The following VPS13A variants were observed in gnomAD, a reference collection of about 807,000 sequenced individuals.
The protein encoded by VPS13A is intermembrane lipid transfer protein VPS13A.
In VPS13A, 264 loss-of-function variants were observed where a neutral mutation model predicts 390.9. The ratio of observed to expected loss-of-function variants is 0.68; its 90% CI spans 0.61 to 0.75. VPS13A has a LOEUF of 0.75. VPS13A is among the 30% of genes least tolerant of loss of function. The probability of loss-of-function intolerance (pLI) is 0.00; values close to 1 mark genes in which losing one functional copy is unlikely to be tolerated. For missense variants in VPS13A, 3,409 were observed against 3,733.9 expected, an observed-to-expected ratio of 0.91 and a Z score of 2.27; for synonymous variants, 1,231 against 1,227.1, an observed-to-expected ratio of 1.00 and a Z score of -0.07.
rs1304634097 is a variant in VPS13A at position 77,421,196 on chromosome 9, TA to T, written c.*5195del. ...ATACGGTCATTGATTATGATAATTT[TA>T]AAAATATCTATTTCTGCATCGCTGC... On this transcript the variant is annotated 3_prime_UTR_variant, in exon 72 of 72. Coordinates refer to ENST00000360280, the MANE Select transcript of VPS13A (RefSeq NM_033305.3). 6.6e-6 allele frequency: 1 copy of T among 152,212 alleles called. No homozygotes were observed. The highest frequency in any genetic ancestry group is 1.9e-4 in the East Asian group (1 of 5,192). The allele number at this position is 152,212 out of a possible 1,614,324, so 9.4% of individuals were successfully genotyped here.
At chr9:77,291,234 C>T (rs532092352) in intron 31 of VPS13A, among the ~76,000 whole-genome samples, 2 of 122,654 alleles carry the variant, frequency 1.6e-5, no homozygotes, top group Non-Finnish European at 3.7e-5. Flanking sequence ...TTGCATGCTC[C>T]TTGTGAGAAT....
intron 46 of VPS13A, among the ~76,000 whole-genome samples, chr9:77,332,523 A>G (rs569271126): frequency 6.6e-6 from 1 of 151,634 alleles, no homozygotes; most frequent in Non-Finnish European, 1.5e-5. Flanking sequence ...TTTTCTTTTC[A>G]TATTTGTTCA....
At chr9:77,366,416 C>T (rs17063567) in intron 60 of VPS13A, among the ~76,000 whole-genome samples, 2 of 151,934 alleles carry the variant, frequency 1.3e-5, no homozygotes, top group African/African-American at 2.4e-5. Context: ...GAGTCATTTT[C>T]AACAGCTTCA....
chr9:77,368,719 G>A (rs1832580230), intron 62 of VPS13A, among the ~76,000 whole-genome samples: 1 of 152,182 alleles, frequency 6.6e-6, no homozygotes, highest in Non-Finnish European at 1.5e-5. Flanking sequence ...TGGTGGTAAT[G>A]ACAGTGGTCA....
rs1282888251 is a variant in VPS13A at position 77,381,852 on chromosome 9, A to C, written c.9078-124A>C. On this transcript the variant is annotated intron_variant, in intron 67 of 71. Coordinates refer to ENST00000360280, the MANE Select transcript of VPS13A (RefSeq NM_033305.3). ...ACTGTTTATGTTACAAAAACAATTT[A>C]AAATTAGAGAATGTTGTAATATTTT... 5 of 675,442 alleles carry C rather than the reference A, an allele frequency of 7.4e-6. No individual in the cohort carries two copies. The East Asian group carries it at 1.4e-4, about 19-fold the overall frequency. The allele number at this position is 675,442 out of a possible 1,614,324, so 41.8% of individuals were successfully genotyped here.
chr9:77,223,776 G>GA (rs1202664829), intron 13 of VPS13A, among the ~76,000 whole-genome samples: 1 of 152,170 alleles, frequency 6.6e-6, no homozygotes, highest in African/African-American at 2.4e-5. Flanking sequence ...AAGTGATCCT[G>GA]AAGATCTAGC....
At position 77,391,635 on chromosome 9, in the gene VPS13A, T is replaced by C. The variant is rs192614250; in HGVS notation, c.9189+9548T>C. ...CCTACGGAAGCACTATAAAGAAATA[T>C]AGATTTAGACATTTCTGTGGTACTT... is the stretch of plus-strand genomic sequence containing the variant. On this transcript the variant is annotated intron_variant, in intron 68 of 71. Transcript: ENST00000360280. 5.9e-4 allele frequency among the ~76,000 whole-genome samples: 90 copies of C among 152,270 alleles called. 1 individual carries two copies. In the East Asian group the frequency reaches 0.015, roughly 26 times the overall value.
At chr9:77,304,697 A>G (rs1041273551) in intron 34 of VPS13A, among the ~76,000 whole-genome samples, 5 of 152,292 alleles carry the variant, frequency 3.3e-5, no homozygotes, top group African/African-American at 1.2e-4. Flanking sequence ...ATTGGTTGAC[A>G]TTGCTTCAAA....
chr9:77,387,748 A>G (rs925140966), intron 68 of VPS13A, among the ~76,000 whole-genome samples: 1 of 152,364 alleles, frequency 6.6e-6, no homozygotes, highest in East Asian at 1.9e-4. Flanking sequence ...TCAGTATTTT[A>G]TAAATTTGTT....
At chr9:77,228,458 T>C (rs1823646245) in intron 17 of VPS13A, among the ~76,000 whole-genome samples, 194 bp downstream of exon 17, 1 of 152,036 alleles carries the variant, frequency 6.6e-6, no homozygotes, top group Non-Finnish European at 1.5e-5. Flanking sequence ...CAGTGAAACA[T>C]AGGGCATTAA....
intron 22 of VPS13A, among the ~76,000 whole-genome samples, chr9:77,259,455 C>T (rs1055995375): frequency 4.6e-5 from 7 of 152,004 alleles, no homozygotes; most frequent in African/African-American, 7.2e-5. Flanking sequence ...AGAAAGATAA[C>T]GTAAGTAATC....
intron 47 of VPS13A, chr9:77,339,215 T>C (rs1363316092): frequency 3.1e-6 from 1 of 323,812 alleles, no homozygotes; most frequent in African/African-American, 2.2e-5. Flanking sequence ...CCAATTATAG[T>C]GTTTTATGTT....
At chr9:77,252,385 T>C in intron 22 of VPS13A, 33 bp downstream of exon 22, 1 of 1,538,098 alleles carries the variant, frequency 6.5e-7, no homozygotes, top group Non-Finnish European at 9.0e-7. Context: ...GAATATGGAT[T>C]TTCTGGGTAA....
intron 46 of VPS13A, among the ~76,000 whole-genome samples, chr9:77,332,598 GTAAT>G (rs1026807429): frequency 2.6e-5 from 4 of 151,630 alleles, no homozygotes; most frequent in African/African-American, 9.7e-5. Context: ...AATTTTTAAA[GTAAT>G]TAAATTTGAT....
chr9:77,248,497 C>T (rs377317388), intron 20 of VPS13A, among the ~76,000 whole-genome samples: 11 of 152,174 alleles, frequency 7.2e-5, no homozygotes, highest in African/African-American at 2.6e-4. Flanking sequence ...GGATTACAGG[C>T]GTGAGCCACC....
intron 3 of VPS13A, among the ~76,000 whole-genome samples, chr9:77,203,911 C>T (rs1036929102): frequency 5.3e-5 from 8 of 151,862 alleles, no homozygotes; most frequent in Admixed American, 1.3e-4. Context: ...GTTTAGAGGC[C>T]GGGCAGGGTA....
intron 17 of VPS13A, among the ~76,000 whole-genome samples, chr9:77,234,877 T>G (rs967661251): frequency 3.4e-4 from 51 of 152,182 alleles, no homozygotes; most frequent in Admixed American, 2.0e-4. Context: ...ACAGTCCAAA[T>G]TTAAGACAGT....
chr9:77,341,442 T>C (rs531058898), intron 50 of VPS13A, among the ~76,000 whole-genome samples: 1 of 152,332 alleles, frequency 6.6e-6, no homozygotes, highest in South Asian at 2.1e-4. Context: ...GGTTTACTTT[T>C]TATTTACCCT....
chr9:77,373,631 C>T (rs1291164902), intron 67 of VPS13A, among the ~76,000 whole-genome samples: 1 of 150,766 alleles, frequency 6.6e-6, no homozygotes, highest in African/African-American at 2.4e-5. Flanking sequence ...CCAAAATTGA[C>T]AAATGGGATC....
Sources: allele counts gnomAD v4.1 joint callset (sites outside exome capture counted in the v4.1 genomes callset), GRCh38; gene constraint gnomAD v4.1.1; transcripts MANE v1.5; gene names NCBI Gene and HGNC (gene_info 2026-07-23, HGNC 2026-07-21).